Variants in BCAS3 observed in about 807,000 individuals in gnomAD.
The protein encoded by BCAS3 is BCAS4/BCAS3 fusion.
Under a neutral mutation model 116.1 loss-of-function variants are expected in BCAS3, and 53 were observed. That is an observed-to-expected ratio of 0.46 (90% CI 0.37 to 0.57). The LOEUF is 0.57. Ranked by LOEUF, BCAS3 falls within the 20% of genes least tolerant of loss-of-function variation. The pLI, the probability that BCAS3 is intolerant of heterozygous loss-of-function variation, is 0.00. For missense variants in BCAS3, 917 were observed against 1,165.4 expected (o/e 0.79, Z 3.10); for synonymous variants, 391 against 408.2 (o/e 0.96, Z 0.51).
Position 61,339,017 on chromosome 17 carries a change from A to G in BCAS3, c.2426-29310A>G, listed in dbSNP as rs971738389. Reference sequence around the variant, plus strand: ...CCATTTCTTAGTGGGCCAAAGTTTAACATCTTGGTTTTGGGAAAAAAAAAA... The same window carrying G: ...CCATTTCTTAGTGGGCCAAAGTTTAGCATCTTGGTTTTGGGAAAAAAAAAA... On this transcript the variant is annotated intron_variant, in intron 22 of 23. Transcript: ENST00000407086. The surrounding 1 kb of genome is among the most constrained non-coding windows in gnomAD (Gnocchi z 4.4). Among the ~76,000 whole-genome samples the G allele has an allele frequency of 2.0e-5, 3 of 151,136 alleles. No homozygotes were observed. Among genetic ancestry groups the G allele is most frequent in the Admixed American group, 6.6e-5 (1 of 15,214 alleles).
chr17:60,938,060 G>A (rs377454088), intron 13 of BCAS3, among the ~76,000 whole-genome samples: 30 of 151,406 alleles, frequency 2.0e-4, no homozygotes, highest in African/African-American at 6.3e-4. Flanking sequence ...GCAAGATCTC[G>A]GCTCACTGCC....
intron 6 of BCAS3, among the ~76,000 whole-genome samples, chr17:60,803,125 G>A (rs766346308): frequency 1.1e-4 from 17 of 152,024 alleles, no homozygotes; most frequent in Non-Finnish European, 2.1e-4. Flanking sequence ...GATGATGAAG[G>A]GATGTTTCAA....
chr17:60,962,159 T>C lies in BCAS3; in HGVS notation c.1221+14807T>C, dbSNP rs959513619. Among the ~76,000 whole-genome samples the C allele has an allele frequency of 1.3e-5, 2 of 152,228 alleles. No individual in the cohort carries two copies. Among genetic ancestry groups the C allele is most frequent in the African/African-American group, 2.4e-5 (1 of 41,468 alleles). On this transcript the variant is annotated intron_variant, in intron 14 of 23. Coordinates refer to ENST00000407086, the MANE Select transcript of BCAS3 (RefSeq NM_017679.5). This position sits in a 1 kb window ranked among gnomAD's most constrained non-coding sequence, Gnocchi z 4.4. ...TGCAATAAACATGGAAGTACAGATA[T>C]CCCCTAGATGCATTGATTTTCTTTC...
chr17:61,080,116 G>C (rs1357662765), intron 21 of BCAS3, among the ~76,000 whole-genome samples: 2 of 151,720 alleles, frequency 1.3e-5, no homozygotes, highest in African/African-American at 4.8e-5. Flanking sequence ...TGTTGGCCAG[G>C]CTGGTCTTGA....
At chr17:60,708,572 C>T (rs975868545) in intron 4 of BCAS3, among the ~76,000 whole-genome samples, 1 of 151,972 alleles carries the variant, frequency 6.6e-6, no homozygotes, top group Non-Finnish European at 1.5e-5. Flanking sequence ...GCTGTGTCAC[C>T]CAGGCTAGAG....
chr17:60,896,829 G>A (rs1410246726), intron 10 of BCAS3, among the ~76,000 whole-genome samples: 1 of 151,988 alleles, frequency 6.6e-6, no homozygotes, highest in African/African-American at 2.4e-5. Flanking sequence ...TACATTCAAA[G>A]TCATTATTAA....
At chr17:61,209,283 G>C (rs8068952) in intron 22 of BCAS3, among the ~76,000 whole-genome samples, 92,745 of 151,660 alleles carry the variant, frequency 0.61, 33,824 homozygotes, top group East Asian at 0.88. Flanking sequence ...AATTTAAAAA[G>C]ATTTGTAGGC....
intron 13 of BCAS3, among the ~76,000 whole-genome samples, 197 bp from the exon 14 acceptor site, chr17:60,947,022 G>A (rs2060538755): frequency 6.6e-6 from 1 of 152,076 alleles, no homozygotes; most frequent in Non-Finnish European, 1.5e-5. Context: ...TTTATACCTT[G>A]CTGATATACT....
Position 61,034,628 on chromosome 17 carries a change from CA to C in BCAS3, c.1638-37del. On this transcript the variant is annotated intron_variant, in intron 16 of 23. Transcript: ENST00000407086. This position sits in a 1 kb window ranked among gnomAD's most constrained non-coding sequence, Gnocchi z 5.0. ...ATTACCTAAAGGAGTATCATTTCAT[CA>C]TGATAATTGTTTTTTACTCTTATTT... is the stretch of plus-strand genomic sequence containing the variant. 1 of 1,539,662 alleles carries C rather than the reference CA, an allele frequency of 6.5e-7. No individual in the cohort carries two copies. The highest frequency in any genetic ancestry group is 8.9e-7 in the Non-Finnish European group (1 of 1,122,936).
intron 7 of BCAS3, among the ~76,000 whole-genome samples, chr17:60,827,136 C>G (rs1302969299): frequency 6.6e-6 from 1 of 152,144 alleles, no homozygotes; most frequent in Non-Finnish European, 1.5e-5. Context: ...CTAAATTACT[C>G]AACAGTTCTT....
rs2072701631 is a variant in BCAS3 at position 61,082,424 on chromosome 17, C to T, written c.2328-2043C>T. Among the ~76,000 whole-genome samples, 1 of 151,824 alleles carries T rather than the reference C, an allele frequency of 6.6e-6. No individual in the cohort carries two copies. Among genetic ancestry groups the T allele is most frequent in the Non-Finnish European group, 1.5e-5 (1 of 67,970 alleles). ...AAATAAAAAGAAAAATAGCATAAAC[C>T]CCCATATATCTGTTGTCCAGCTTCA... On this transcript the variant is annotated intron_variant, in intron 21 of 23. Coordinates refer to ENST00000407086, the MANE Select transcript of BCAS3 (RefSeq NM_017679.5). The surrounding 1 kb of genome is among the most constrained non-coding windows in gnomAD (Gnocchi z 5.1).
At chr17:61,296,424 T>C (rs1190995628) in intron 22 of BCAS3, among the ~76,000 whole-genome samples, 3 of 152,172 alleles carry the variant, frequency 2.0e-5, no homozygotes, top group African/African-American at 4.8e-5. Flanking sequence ...TTTTCCAAAC[T>C]TCAGGTTCTC....
intron 15 of BCAS3, among the ~76,000 whole-genome samples, chr17:61,014,607 A>G (rs573194529): frequency 1.8e-4 from 27 of 152,198 alleles, no homozygotes; most frequent in South Asian, 1.5e-3. Context: ...TTCCCCTGTC[A>G]AATCAACATT....
intron 22 of BCAS3, among the ~76,000 whole-genome samples, chr17:61,357,264 ATAAAT>A (rs2058195228): frequency 5.1e-5 from 3 of 58,312 alleles, no homozygotes. Context: ...AAATAAATAA[ATAAAT>A]TAATTAATTA....
chr17:61,027,515 A>G (rs1297613801), intron 16 of BCAS3: 4 of 366,826 alleles, frequency 1.1e-5, no homozygotes, highest in African/African-American at 2.2e-5. Flanking sequence ...CTTTCATGTC[A>G]GTGCACAGAA....
At chr17:60,914,513 A>G (rs184626432) in intron 12 of BCAS3, among the ~76,000 whole-genome samples, 1 of 152,328 alleles carries the variant, frequency 6.6e-6, no homozygotes, top group East Asian at 1.9e-4. Flanking sequence ...TTGTAGATAA[A>G]GTTTAAAGTA....
intron 19 of BCAS3, among the ~76,000 whole-genome samples, chr17:61,057,250 C>T (rs1159639221): frequency 6.6e-6 from 1 of 152,066 alleles, no homozygotes; most frequent in Non-Finnish European, 1.5e-5. Context: ...TTTAAATATT[C>T]CAGAAAATAT....
At chr17:61,371,437 G>C (rs1222769655) in intron 23 of BCAS3, among the ~76,000 whole-genome samples, 1 of 152,176 alleles carries the variant, frequency 6.6e-6, no homozygotes, top group African/African-American at 2.4e-5. Flanking sequence ...TGGTCTGGGG[G>C]TTGAAGGATA....
chr17:60,941,824 T>A (rs2060239634), intron 13 of BCAS3, among the ~76,000 whole-genome samples: 1 of 152,232 alleles, frequency 6.6e-6, no homozygotes, highest in African/African-American at 2.4e-5. Flanking sequence ...TAGTCTTGAT[T>A]TGGCAAATGA....
Sources: gnomAD v4.1 joint callset for allele counts (sites outside exome capture counted in the v4.1 genomes callset) on GRCh38, gnomAD v4.1.1 for gene constraint, Gnocchi (gnomAD v3.1) non-coding constraint, MANE v1.5 for transcripts, NCBI Gene and HGNC (gene_info 2026-07-23, HGNC 2026-07-21) for gene names.